SMURF2: variants seen among roughly 807,000 people sequenced by gnomAD.
The protein encoded by SMURF2 is E3 ubiquitin-protein ligase SMURF2.
A neutral mutation model predicts 109.6 loss-of-function variants in SMURF2; 48 were observed. That is an observed-to-expected ratio of 0.44 (90% CI 0.35 to 0.56). The LOEUF is 0.56. Among genes scored for constraint, SMURF2 ranks in the 20% least tolerant of loss-of-function variants. SMURF2 has a pLI of 0.01. For synonymous variants in SMURF2, 288 were observed against 317.1 expected, an observed-to-expected ratio of 0.91 and a Z score of 0.97; for missense variants, 575 against 909.0, an observed-to-expected ratio of 0.63 and a Z score of 4.72.
chr17:64,661,413 G>A (rs145120620), intron 1 of SMURF2, among the ~76,000 whole-genome samples: 2,126 of 152,186 alleles, frequency 0.014, 32 homozygotes, highest in Non-Finnish European at 0.022. Flanking sequence ...CATCTTTAAG[G>A]AGTGTTTACT....
chr17:64,592,535 T>C (rs1340000253), intron 4 of SMURF2, among the ~76,000 whole-genome samples: 1 of 152,220 alleles, frequency 6.6e-6, no homozygotes, highest in African/African-American at 2.4e-5. Flanking sequence ...AATCTCTTGA[T>C]ATATTTAATA....
intron 1 of SMURF2, among the ~76,000 whole-genome samples, chr17:64,607,773 C>A (rs1969989515): frequency 6.6e-6 from 1 of 151,882 alleles, no homozygotes; most frequent in Admixed American, 6.6e-5. Context: ...GAGTTTGAGA[C>A]CAGCCTGGCT....
rs1968904131 is a variant in SMURF2, at chr17:64,543,515, C to T, written c.*2333G>A. On this transcript the variant is annotated 3_prime_UTR_variant, in exon 19 of 19. Transcript: ENST00000262435. ...TCTCGAACTCCTGACCTCAGGTGAT[C>T]CGCCCACCTCGGCCTCCCAAAGTGC... 1 of 152,028 alleles carries T rather than the reference C, an allele frequency of 6.6e-6. No homozygotes were observed. Among genetic ancestry groups the T allele is most frequent in the African/African-American group, 2.4e-5 (1 of 41,384 alleles). 9.4% of individuals were successfully genotyped at this position (152,028 alleles called of 1,614,324 possible).
intron 1 of SMURF2, among the ~76,000 whole-genome samples, chr17:64,614,270 G>C (rs1238478508): frequency 1.3e-5 from 2 of 152,178 alleles, no homozygotes; most frequent in Non-Finnish European, 1.5e-5. Flanking sequence ...ACAAAAATCT[G>C]AAGTATCTGA....
At chr17:64,621,026 G>A (rs1970194091) in intron 1 of SMURF2, among the ~76,000 whole-genome samples, 1 of 152,056 alleles carries the variant, frequency 6.6e-6, no homozygotes, top group Non-Finnish European at 1.5e-5. Context: ...AGATCTCACT[G>A]AGCCTTCTCT....
chr17:64,608,700 C>T (rs1275144229), intron 1 of SMURF2, among the ~76,000 whole-genome samples: 1 of 152,164 alleles, frequency 6.6e-6, no homozygotes, highest in Non-Finnish European at 1.5e-5. Flanking sequence ...TCTCCTCCAA[C>T]TCACTGCCAC....
At chr17:64,595,941 C>A (rs17401012) in intron 3 of SMURF2, among the ~76,000 whole-genome samples, 10,528 of 152,030 alleles carry the variant, frequency 0.069, 543 homozygotes, top group Admixed American at 0.14. Flanking sequence ...ATACTCTAAA[C>A]CTACAATTTC....
chr17:64,621,657 C>CCT (rs1970204374), intron 1 of SMURF2, among the ~76,000 whole-genome samples: 2 of 150,058 alleles, frequency 1.3e-5, no homozygotes, highest in Non-Finnish European at 3.0e-5. Flanking sequence ...GGGTGGATCA[C>CCT]AATGTCAGGA....
chr17:64,616,760 G>C (rs1327118709), intron 1 of SMURF2, among the ~76,000 whole-genome samples: 2 of 151,644 alleles, frequency 1.3e-5, no homozygotes, highest in East Asian at 3.9e-4. Context: ...TCTCAGGCTA[G>C]TACTTCCTTT....
intron 1 of SMURF2, among the ~76,000 whole-genome samples, chr17:64,648,058 TAAAAAAAAAAAAAAAAAAAAAA>T (rs56131846): frequency 1.1e-4 from 2 of 17,668 alleles, no homozygotes; most frequent in African/African-American, 1.7e-4. Flanking sequence ...CCCTATCTCT[TAAAAAAAAAAAAAAAAAAAAAA>T]AAAAAAAAAA....
At chr17:64,599,770 C>A (rs1598288904) in intron 2 of SMURF2, among the ~76,000 whole-genome samples, 1 of 152,320 alleles carries the variant, frequency 6.6e-6, no homozygotes, top group East Asian at 1.9e-4. Context: ...GAAAAACTGT[C>A]TTGCATGAAA....
chr17:64,643,752 T>C (rs1399141524), intron 1 of SMURF2, among the ~76,000 whole-genome samples: 3 of 152,214 alleles, frequency 2.0e-5, no homozygotes, highest in African/African-American at 2.4e-5. Flanking sequence ...AGGATACTAA[T>C]AGAGAGGGAC....
intron 1 of SMURF2, among the ~76,000 whole-genome samples, chr17:64,628,236 T>C (rs1481710353): frequency 6.6e-6 from 1 of 152,214 alleles, no homozygotes; most frequent in African/African-American, 2.4e-5. Context: ...AGAGTGGGTC[T>C]ATTCTGTGTA....
At chr17:64,592,518 A>C (rs1415497636) in intron 4 of SMURF2, among the ~76,000 whole-genome samples, 17 of 152,310 alleles carry the variant, frequency 1.1e-4, no homozygotes, top group Middle Eastern at 3.4e-3. Context: ...ACTACATTAA[A>C]AGAGACAATC....
intron 9 of SMURF2, 145 bp downstream of exon 9, chr17:64,578,347 T>A (rs1286373505): frequency 3.3e-6 from 2 of 614,204 alleles, no homozygotes; most frequent in African/African-American, 3.7e-5. Flanking sequence ...GACTTTCTAC[T>A]AAACGTTAAA....
intron 1 of SMURF2, among the ~76,000 whole-genome samples, chr17:64,631,615 TCTC>T (rs1366647945): frequency 6.6e-6 from 1 of 151,732 alleles, no homozygotes; most frequent in African/African-American, 2.4e-5. Flanking sequence ...GCTCCTAAAA[TCTC>T]CTCTCTCAGA....
chr17:64,662,092 G>T lies in SMURF2; in HGVS notation c.-212C>A, dbSNP rs1327257353. 6 of 1,068,936 alleles carry T rather than the reference G, an allele frequency of 5.6e-6. No homozygotes were observed. Among genetic ancestry groups the T allele is most frequent in the Non-Finnish European group, 5.7e-6 (5 of 884,410 alleles). 66.2% of individuals were successfully genotyped at this position (1,068,936 alleles called of 1,614,324 possible). ...CCCCTCCTCCCACTTCTCCTTCCTC[G>T]GCCCGGGCCGCACAACAAAGCGGCA... is the stretch of plus-strand genomic sequence containing the variant. On this transcript the variant is annotated 5_prime_UTR_variant, in exon 1 of 19. Transcript: ENST00000262435.
At chr17:64,610,979 T>C (rs1186689013) in intron 1 of SMURF2, among the ~76,000 whole-genome samples, 2 of 152,148 alleles carry the variant, frequency 1.3e-5, no homozygotes, top group East Asian at 3.9e-4. Flanking sequence ...GACTACTCCC[T>C]CTTCTAGAAA....
At chr17:64,569,491 C>CA (rs149010064) in intron 10 of SMURF2, among the ~76,000 whole-genome samples, 3 of 151,118 alleles carry the variant, frequency 2.0e-5, no homozygotes, top group African/African-American at 4.9e-5. Context: ...GTCAATAGGC[C>CA]AAAAAAAAGC....
Sources: allele counts gnomAD v4.1 joint callset (sites outside exome capture counted in the v4.1 genomes callset), GRCh38; gene constraint gnomAD v4.1.1; transcripts MANE v1.5; gene names NCBI Gene and HGNC (gene_info 2026-07-23, HGNC 2026-07-21).